TENM4: variants seen among roughly 807,000 people sequenced by gnomAD.
TENM4 encodes the protein teneurin transmembrane protein 4.
In TENM4, 82 loss-of-function variants were observed where a neutral mutation model predicts 243.3. The observed-to-expected ratio is 0.34, with a 90% confidence interval of 0.28 to 0.40. TENM4 has a LOEUF of 0.40. TENM4 is among the 10% of genes least tolerant of loss of function. The probability of loss-of-function intolerance (pLI) is 1.00; values close to 1 mark genes in which losing one functional copy is unlikely to be tolerated. For missense variants in TENM4, 3,138 were observed against 3,673.3 expected (o/e 0.85, Z 3.77); for synonymous variants, 1,412 against 1,456.3 (o/e 0.97, Z 0.69).
chr11:79,215,902 G>A lies in TENM4; in HGVS notation c.-257C>T. The A allele has an allele frequency of 1.0e-6, 1 of 978,910 alleles. No homozygotes were observed. The highest frequency in any genetic ancestry group is 1.2e-6 in the Non-Finnish European group (1 of 823,642). 60.6% of individuals were successfully genotyped at this position (978,910 alleles called of 1,614,324 possible). On this transcript the variant is annotated 5_prime_UTR_variant, in exon 3 of 34. Transcript: ENST00000278550. The stretch of plus-strand genomic sequence containing the variant: ...CATTGGATCCTGGAGGATGGTGCGG[G>A]ATCTTTTCTGTTGAAGCAGAGAACA...
chr11:79,159,261 T>A (rs1270564124), intron 3 of TENM4, among the ~76,000 whole-genome samples: 2 of 152,218 alleles, frequency 1.3e-5, no homozygotes, highest in Non-Finnish European at 2.9e-5. Context: ...CCCGGACTGC[T>A]GTGTCTAGGT....
chr11:78,904,496 A>T (rs1856020011), intron 6 of TENM4, among the ~76,000 whole-genome samples: 3 of 152,090 alleles, frequency 2.0e-5, no homozygotes, highest in Admixed American at 2.0e-4. Flanking sequence ...CCACGTAACG[A>T]GAAAGATGAC....
chr11:79,105,336 G>A (rs1458495959), intron 4 of TENM4, among the ~76,000 whole-genome samples: 1 of 152,184 alleles, frequency 6.6e-6, no homozygotes, highest in Non-Finnish European at 1.5e-5. Context: ...CTGACACTGG[G>A]TGAAGAACTA....
At chr11:78,726,336 A>G in intron 22 of TENM4, 114 bp from the exon 23 acceptor site, 1 of 1,317,706 alleles carries the variant, frequency 7.6e-7, no homozygotes, top group South Asian at 1.7e-5. Flanking sequence ...AAAAAGGGTC[A>G]TATTTCTAAG....
Position 79,268,567 on chromosome 11 carries a change from G to T in TENM4, c.-265+28921C>A, listed in dbSNP as rs551080627. Among the ~76,000 whole-genome samples, 6 of 152,204 alleles carry T rather than the reference G, an allele frequency of 3.9e-5. No individual in the cohort carries two copies. In the South Asian group the frequency reaches 1.2e-3, roughly 32 times the overall value. On this transcript the variant is annotated intron_variant, in intron 2 of 33. Transcript: ENST00000278550. Reference sequence around the variant, plus strand: ...TCACAAAATTGTATTTGTGAATTTTGCTATTCCCAGAAATGTACTTGTAAC... The same window carrying T: ...TCACAAAATTGTATTTGTGAATTTTTCTATTCCCAGAAATGTACTTGTAAC...
At chr11:78,886,036 C>T (rs1855540968) in intron 9 of TENM4, among the ~76,000 whole-genome samples, 1 of 152,206 alleles carries the variant, frequency 6.6e-6, no homozygotes, top group African/African-American at 2.4e-5. Context: ...ATTTTCCACC[C>T]TCTGTTTCTG....
Position 78,701,585 on chromosome 11 carries a change from A to G in TENM4, c.5028T>C (p.His1676=), listed in dbSNP as rs1415439617. The G allele has an allele frequency of 6.2e-7, 1 of 1,604,364 alleles. No individual in the cohort carries two copies. The highest frequency in any genetic ancestry group is 8.5e-7 in the Non-Finnish European group (1 of 1,171,998). ...TGGTTGCCAGAAGGCCGGAATTGCC[A>G]TGGTATGTCATCATGGCCAACTCGT... ...QGHELAMMTY[H]GNSGLLATKS... is the part of the protein sequence containing the mutation. Residue 1676 remains histidine, a synonymous_variant, in exon 28 of 34, where the codon CAT becomes CAC. Coordinates refer to ENST00000278550, the MANE Select transcript of TENM4 (RefSeq NM_001098816.3).
chr11:78,667,547 A>C (rs896269060), intron 32 of TENM4, among the ~76,000 whole-genome samples: 1 of 151,852 alleles, frequency 6.6e-6, no homozygotes, highest in African/African-American at 2.4e-5. Context: ...CTTTGTGAAG[A>C]CTTCCCAGAA....
intron 1 of TENM4, among the ~76,000 whole-genome samples, chr11:79,400,099 CCACACACACACACACACACACA>C (rs71050221): frequency 5.0e-5 from 7 of 140,674 alleles, no homozygotes; most frequent in Admixed American, 2.1e-4. Flanking sequence ...TAAACACACA[CCACACACACACACACACACACA>C]CACACACACA....
intron 3 of TENM4, among the ~76,000 whole-genome samples, chr11:79,213,313 G>T (rs1273629160): frequency 3.9e-5 from 6 of 152,190 alleles, no homozygotes; most frequent in Non-Finnish European, 5.9e-5. Context: ...CATGTGCCAG[G>T]CATCTTTCCT....
In TENM4 at chr11:78,701,546, G is replaced by A. The variant is rs75749344; in HGVS notation, c.5067C>T (p.Asn1689=). 1.6e-5 allele frequency: 26 copies of A among 1,592,348 alleles called. No individual in the cohort carries two copies. The highest frequency in any genetic ancestry group is 3.4e-5 in the Admixed American group (2 of 59,178). Residue 1689 remains asparagine (N), a synonymous_variant, in exon 28 of 34, where the codon AAC becomes AAT. Transcript: ENST00000278550. ...SGLLATKSNE[N]GWTTFYEYDS... ...CTTACTCATAAAATGTTGTCCATCC[G>A]TTTTCATTGCTTTTGGTTGCCAGAA...
chr11:78,670,138 G>C lies in TENM4; in HGVS notation c.6207C>G (p.Phe2069Leu). ...TGACCATGCCTTCCTCAGTGAAGCG[G>C]AAGATCTGTCGGTCAATCAGGGGCC... ...QIGPLIDRQI[F>L]RFTEEGMVNA... Residue 2069 changes from phenylalanine to leucine, a missense_variant, in exon 32 of 34, where the codon TTC (phenylalanine) becomes TTG (leucine). Around this residue, in one of 2 missense-constraint regions of TENM4, gnomAD observed 2,467 missense variants for 3,059.1 expected, o/e 0.81. Transcript: ENST00000278550. 2 of 1,613,998 alleles carry C rather than the reference G, an allele frequency of 1.2e-6. No individual in the cohort carries two copies. The highest frequency in any genetic ancestry group is 1.7e-6 in the Non-Finnish European group (2 of 1,179,902).
At chr11:79,215,972 A>C in intron 2 of TENM4, 63 bp from the exon 3 acceptor site, 1 of 497,910 alleles carries the variant, frequency 2.0e-6, no homozygotes, top group Non-Finnish European at 2.6e-6. Flanking sequence ...ATCCTTTCTC[A>C]CAGACCCTCC....
intron 6 of TENM4, among the ~76,000 whole-genome samples, chr11:78,959,060 C>T (rs1321322115): frequency 6.6e-6 from 1 of 152,192 alleles, no homozygotes; most frequent in East Asian, 1.9e-4. Context: ...ATCTGGGATC[C>T]AATTTCAGGC....
chr11:78,798,699 C>G (rs1173527994), intron 15 of TENM4, among the ~76,000 whole-genome samples: 1 of 152,130 alleles, frequency 6.6e-6, no homozygotes, highest in Non-Finnish European at 1.5e-5. Context: ...TCCAGCTGAT[C>G]ATGCATGCTC....
chr11:78,793,369 C>G (rs1857098055), intron 15 of TENM4, among the ~76,000 whole-genome samples: 1 of 152,154 alleles, frequency 6.6e-6, no homozygotes, highest in Admixed American at 6.5e-5. Context: ...CAGAGTCTTG[C>G]TCCCCGGGAC....
At chr11:79,327,673 C>T (rs996579758) in intron 1 of TENM4, among the ~76,000 whole-genome samples, 26 of 99,290 alleles carry the variant, frequency 2.6e-4, no homozygotes, top group Admixed American at 4.1e-4. Flanking sequence ...TTTTTTTTAA[C>T]CTCCAAGTCC....
chr11:79,013,251 T>C (rs1451893377), intron 6 of TENM4, among the ~76,000 whole-genome samples: 1 of 152,190 alleles, frequency 6.6e-6, no homozygotes, highest in Admixed American at 6.5e-5. Flanking sequence ...CTCCACCCAT[T>C]TCCACCTCCC....
chr11:79,322,183 T>C (rs374436836), intron 1 of TENM4, among the ~76,000 whole-genome samples: 2 of 152,134 alleles, frequency 1.3e-5, no homozygotes, highest in South Asian at 4.1e-4. Context: ...TGGGCTCCAC[T>C]GGCAAAGTCT....
Sources: allele counts gnomAD v4.1 joint callset (sites outside exome capture counted in the v4.1 genomes callset), GRCh38; gene constraint gnomAD v4.1.1; regional missense constraint gnomAD v4.1.1; transcripts MANE v1.5; gene names NCBI Gene and HGNC (gene_info 2026-07-23, HGNC 2026-07-21).